NRXN3: variants seen among roughly 807,000 people sequenced by gnomAD.
NRXN3 encodes neurexin 3.
NRXN3 carries 32 observed loss-of-function variants against 137.6 expected under a neutral mutation model. The ratio of observed to expected loss-of-function variants is 0.23; its 90% CI spans 0.18 to 0.31. NRXN3 has a LOEUF of 0.31. Ranked by LOEUF, NRXN3 falls within the 10% of genes least tolerant of loss-of-function variation. The pLI, the probability that NRXN3 is intolerant of heterozygous loss-of-function variation, is 1.00. For synonymous variants in NRXN3, 798 were observed against 784.5 expected (o/e 1.02, Z -0.29); for missense variants, 1,574 against 2,062.5 (o/e 0.76, Z 4.59).
chr14:78,398,992 G>T lies in NRXN3; in HGVS notation c.757+101132G>T, dbSNP rs539834876. ...GTAGATATGGGACCACACTCTTTCT[G>T]TGATGTTTGGCTGGAGTATGGAAAT... On this transcript the variant is annotated intron_variant, in intron 4 of 20. Transcript: ENST00000335750. 2.0e-5 allele frequency among the ~76,000 whole-genome samples: 3 copies of T among 152,292 alleles called. No homozygotes were observed. The South Asian group carries it at 6.2e-4, about 32-fold the overall frequency.
At chr14:79,481,478 C>A (rs893973870) in intron 16 of NRXN3, among the ~76,000 whole-genome samples, 6 of 152,194 alleles carry the variant, frequency 3.9e-5, no homozygotes, top group African/African-American at 1.4e-4. Context: ...TAGCCTATTG[C>A]ATCCAGGCTA....
intron 15 of NRXN3, among the ~76,000 whole-genome samples, chr14:79,140,934 A>G (rs370215649): frequency 1.3e-5 from 2 of 152,214 alleles, no homozygotes; most frequent in East Asian, 1.9e-4. Context: ...AAACACACAT[A>G]CACAATACAA....
intron 6 of NRXN3, among the ~76,000 whole-genome samples, chr14:78,704,211 G>C (rs7159663): frequency 6.6e-6 from 1 of 152,048 alleles, no homozygotes; most frequent in African/African-American, 2.4e-5. Flanking sequence ...TGTAGGGTTA[G>C]AATACTCTCT....
chr14:79,336,270 A>G (rs963706607), intron 15 of NRXN3, among the ~76,000 whole-genome samples: 1 of 152,086 alleles, frequency 6.6e-6, no homozygotes, highest in African/African-American at 2.4e-5. Flanking sequence ...CCTCCAAGGT[A>G]TTGGGTCATG....
chr14:78,214,417 AG>A (rs1010166271), intron 1 of NRXN3, among the ~76,000 whole-genome samples: 3 of 152,158 alleles, frequency 2.0e-5, no homozygotes, highest in African/African-American at 7.2e-5. Flanking sequence ...TTACAGTCAC[AG>A]TTTCACATCT....
At chr14:78,891,591 G>C (rs530529337) in intron 10 of NRXN3, among the ~76,000 whole-genome samples, 41 of 152,020 alleles carry the variant, frequency 2.7e-4, no homozygotes, top group African/African-American at 9.2e-4. Context: ...CAGAGTGAGA[G>C]ATTCATTATA....
rs1461997239 is a variant in NRXN3, at chr14:78,585,137, TA to T, written c.758-59981del. On this transcript the variant is annotated intron_variant, in intron 4 of 20. Transcript: ENST00000335750. ...GAAAAATAAGAAGAAATAGGGGAGATAAGGGGGGGGGGTGATTAATTTATGT... is the reference window on the plus strand; with the variant it reads ...GAAAAATAAGAAGAAATAGGGGAGATAGGGGGGGGGGTGATTAATTTATGT... Among the ~76,000 whole-genome samples, 9 of 102,312 alleles carry T rather than the reference TA, an allele frequency of 8.8e-5. 1 individual carries two copies. The highest frequency in any genetic ancestry group is 3.8e-4 in the South Asian group (1 of 2,622). 67.1% of individuals were successfully genotyped at this position (102,312 alleles called of 152,430 possible).
chr14:78,724,490 C>G (rs1339186631), intron 8 of NRXN3, among the ~76,000 whole-genome samples: 7 of 152,132 alleles, frequency 4.6e-5, no homozygotes, highest in African/African-American at 1.7e-4. Flanking sequence ...CCACCCACCC[C>G]CAATTTTAGA....
intron 19 of NRXN3, among the ~76,000 whole-genome samples, chr14:79,708,591 G>A (rs552291387): frequency 2.6e-5 from 4 of 152,044 alleles, no homozygotes; most frequent in Admixed American, 6.6e-5. Flanking sequence ...GCATCAAGGC[G>A]GATATTTCCA....
rs2098842110 is a variant in NRXN3 at position 79,720,879 on chromosome 14, T to G, written c.4014+22942T>G. On this transcript the variant is annotated intron_variant, in intron 19 of 20. Coordinates refer to ENST00000335750, the MANE Select transcript of NRXN3 (RefSeq NM_001330195.2). ...GAATAAATAGTAAAGGTGGGAATAT[T>G]TTTAATATTATTAAAATAAATAAAT... Among the ~76,000 whole-genome samples the G allele has an allele frequency of 2.0e-5, 3 of 152,254 alleles. No homozygotes were observed. The South Asian group carries it at 6.2e-4, about 32-fold the overall frequency.
At chr14:79,241,675 C>G (rs2074324392) in intron 15 of NRXN3, among the ~76,000 whole-genome samples, 1 of 152,112 alleles carries the variant, frequency 6.6e-6, no homozygotes, top group African/African-American at 2.4e-5. Context: ...ATTCAAATGG[C>G]TACAGTAATG....
intron 4 of NRXN3, among the ~76,000 whole-genome samples, chr14:78,588,098 AT>A (rs149782323): frequency 3.3e-5 from 5 of 152,050 alleles, no homozygotes; most frequent in African/African-American, 4.8e-5. Flanking sequence ...AATGAGAGGG[AT>A]TTTTTTTGAA....
intron 2 of NRXN3, among the ~76,000 whole-genome samples, chr14:78,245,065 A>G (rs188029507): frequency 7.2e-5 from 11 of 152,362 alleles, no homozygotes. Flanking sequence ...CTGAGAACCA[A>G]CCATACAGGT....
intron 15 of NRXN3, chr14:79,280,837 A>AC: frequency 3.2e-6 from 1 of 311,190 alleles, no homozygotes; most frequent in East Asian, 7.0e-5. Context: ...TACTCTCTCC[A>AC]CCCCCACGGA....
chr14:79,013,854 T>C (rs761232424), intron 15 of NRXN3, among the ~76,000 whole-genome samples: 11 of 152,202 alleles, frequency 7.2e-5, no homozygotes, highest in Non-Finnish European at 1.5e-4. Flanking sequence ...CAGCTAGTTA[T>C]AAAATTCCTG....
At chr14:78,590,008 C>T (rs2097102497) in intron 4 of NRXN3, among the ~76,000 whole-genome samples, 1 of 152,144 alleles carries the variant, frequency 6.6e-6, no homozygotes, top group Admixed American at 6.5e-5. Context: ...ACAAGCCTGG[C>T]AACTGCTGCC....
intron 16 of NRXN3, among the ~76,000 whole-genome samples, chr14:79,490,658 C>T (rs1233595478): frequency 2.0e-5 from 3 of 149,924 alleles, no homozygotes; most frequent in Non-Finnish European, 4.4e-5. Context: ...AGGATGGTTA[C>T]CAGAGGCTGG....
At chr14:78,881,843 C>T (rs1169396881) in intron 10 of NRXN3, among the ~76,000 whole-genome samples, 4 of 151,596 alleles carry the variant, frequency 2.6e-5, no homozygotes, top group Non-Finnish European at 5.9e-5. Context: ...AAATGTTAAT[C>T]ACCATGATAA....
chr14:79,392,495 T>G (rs1056861128), intron 15 of NRXN3, among the ~76,000 whole-genome samples: 1 of 152,224 alleles, frequency 6.6e-6, no homozygotes, highest in Non-Finnish European at 1.5e-5. Context: ...TATAATCCTT[T>G]GGGTATATAC....
Sources: allele counts gnomAD v4.1 joint callset (sites outside exome capture counted in the v4.1 genomes callset), GRCh38; gene constraint gnomAD v4.1.1; transcripts MANE v1.5; gene names NCBI Gene and HGNC (gene_info 2026-07-23, HGNC 2026-07-21).